The following PTPRD variants were observed in gnomAD, a reference collection of about 807,000 sequenced individuals.
PTPRD encodes receptor-type tyrosine-protein phosphatase delta.
Under a neutral mutation model 214.5 loss-of-function variants are expected in PTPRD, and 34 were observed. The ratio of observed to expected loss-of-function variants is 0.16; its 90% CI spans 0.12 to 0.21. The LOEUF (loss-of-function observed/expected upper bound fraction) is 0.21, where lower values mean the gene tolerates loss of function less well. PTPRD is among the 10% of genes least tolerant of loss of function. PTPRD has a pLI of 1.00. For synonymous variants in PTPRD, 1,128 were observed against 845.7 expected (o/e 1.33, Z -5.79); for missense variants, 2,545 against 2,398.7 (o/e 1.06, Z -1.27).
intron 9 of PTPRD, among the ~76,000 whole-genome samples, chr9:9,328,571 T>C (rs1396842534): frequency 1.3e-5 from 2 of 149,770 alleles, no homozygotes; most frequent in Non-Finnish European, 3.0e-5. Flanking sequence ...GAGCAAAACA[T>C]GGTCAAATTT....
intron 10 of PTPRD, among the ~76,000 whole-genome samples, chr9:9,152,524 A>G (rs2099877671): frequency 6.6e-6 from 1 of 152,212 alleles, no homozygotes; most frequent in Non-Finnish European, 1.5e-5. Context: ...ATTAATGGTA[A>G]AGACAAATAT....
chr9:9,015,690 G>A (rs2099531940), intron 11 of PTPRD, among the ~76,000 whole-genome samples: 2 of 152,040 alleles, frequency 1.3e-5, no homozygotes, highest in South Asian at 4.1e-4. Context: ...TCTGGATTGG[G>A]ACCCCTTTGC....
intron 12 of PTPRD, among the ~76,000 whole-genome samples, chr9:8,688,841 G>A (rs1173213774): frequency 1.3e-5 from 2 of 152,022 alleles, no homozygotes; most frequent in East Asian, 1.9e-4. Context: ...CATGAAAAAC[G>A]AATGGTTTTA....
At chr9:9,492,938 C>T (rs879687025) in intron 8 of PTPRD, among the ~76,000 whole-genome samples, 3 of 145,156 alleles carry the variant, frequency 2.1e-5, no homozygotes, top group African/African-American at 5.2e-5. Context: ...CACCATGAAC[C>T]CAACCCATAT....
At chr9:10,481,159 G>C (rs1372119991) in intron 2 of PTPRD, among the ~76,000 whole-genome samples, 2 of 151,912 alleles carry the variant, frequency 1.3e-5, no homozygotes, top group African/African-American at 4.8e-5. Flanking sequence ...CCTGTAATTT[G>C]CTCCACTTAA....
intron 2 of PTPRD, among the ~76,000 whole-genome samples, chr9:10,518,728 T>G (rs773870589): frequency 1.3e-5 from 2 of 151,562 alleles, no homozygotes; most frequent in Non-Finnish European, 1.5e-5. Flanking sequence ...CAGACAGGGT[T>G]TTACCGTGTT....
intron 7 of PTPRD, among the ~76,000 whole-genome samples, chr9:9,661,303 T>A (rs968509340): frequency 6.6e-6 from 1 of 151,924 alleles, no homozygotes; most frequent in African/African-American, 2.4e-5. Flanking sequence ...AAAAGTAATA[T>A]CTTAACAATC....
intron 9 of PTPRD, among the ~76,000 whole-genome samples, chr9:9,392,836 G>C (rs2066359600): frequency 6.6e-6 from 1 of 152,010 alleles, no homozygotes; most frequent in Non-Finnish European, 1.5e-5. Flanking sequence ...TCCTCAGGGA[G>C]GGAATATATA....
chr9:10,412,633 AACACACACACACACAC>A (rs150312961), intron 2 of PTPRD, among the ~76,000 whole-genome samples: 2 of 147,752 alleles, frequency 1.4e-5, no homozygotes, highest in Non-Finnish European at 3.0e-5. Flanking sequence ...CACACACACA[AACACACACACACACAC>A]ACACACACAC....
intron 2 of PTPRD, among the ~76,000 whole-genome samples, chr9:10,475,949 C>T (rs542121103): frequency 2.6e-5 from 4 of 152,092 alleles, no homozygotes; most frequent in African/African-American, 9.6e-5. Flanking sequence ...ATGCTAAAAA[C>T]TCTCAATAAA....
intron 5 of PTPRD, among the ~76,000 whole-genome samples, chr9:9,868,715 A>G (rs778773304): frequency 1.5e-4 from 22 of 148,766 alleles, no homozygotes; most frequent in Non-Finnish European, 2.6e-4. Context: ...TCCTAATAAT[A>G]TACTTAAACT....
intron 7 of PTPRD, among the ~76,000 whole-genome samples, chr9:9,691,910 T>C (rs1010984846): frequency 3.9e-5 from 6 of 152,084 alleles, no homozygotes; most frequent in Non-Finnish European, 5.9e-5. Flanking sequence ...CTGTTTGCCA[T>C]TTGTATGCCT....
At chr9:9,641,203 A>C (rs185279298) in intron 7 of PTPRD, among the ~76,000 whole-genome samples, 1 of 152,346 alleles carries the variant, frequency 6.6e-6, no homozygotes, top group East Asian at 1.9e-4. Context: ...TTTTCATTTC[A>C]TCAAAATCAT....
At chr9:9,509,232 G>T (rs2096641741) in intron 8 of PTPRD, among the ~76,000 whole-genome samples, 1 of 151,160 alleles carries the variant, frequency 6.6e-6, no homozygotes, top group Non-Finnish European at 1.5e-5. Context: ...TTAATTATGG[G>T]AAAAAAACCC....
At chr9:10,518,526 T>C (rs1343920097) in intron 2 of PTPRD, among the ~76,000 whole-genome samples, 1 of 152,032 alleles carries the variant, frequency 6.6e-6, no homozygotes, top group Non-Finnish European at 1.5e-5. Flanking sequence ...TATGTTAAGA[T>C]CATTTACAAT....
intron 14 of PTPRD, among the ~76,000 whole-genome samples, chr9:8,562,805 T>C (rs1234510999): frequency 6.6e-6 from 1 of 152,142 alleles, no homozygotes; most frequent in East Asian, 1.9e-4. Flanking sequence ...TTTTTGGTGT[T>C]GTAGCTGAAA....
At chr9:8,449,893 G>C (rs751844365) in intron 33 of PTPRD, 56 bp from the exon 34 acceptor site, 4 of 1,551,396 alleles carry the variant, frequency 2.6e-6, no homozygotes, top group Middle Eastern at 2.1e-4. Flanking sequence ...GAAACAGATA[G>C]AAAAGCAGAG....
chr9:8,467,753 CT>C (rs952653162), intron 31 of PTPRD, among the ~76,000 whole-genome samples: 2 of 151,146 alleles, frequency 1.3e-5, no homozygotes, highest in Non-Finnish European at 3.0e-5. Flanking sequence ...TGTATTATTT[CT>C]TTTTTCTTGA....
chr9:8,793,089 C>A (rs1490315924), intron 11 of PTPRD, among the ~76,000 whole-genome samples: 1 of 152,202 alleles, frequency 6.6e-6, no homozygotes, highest in Admixed American at 6.5e-5. Flanking sequence ...ACCTGGGTAG[C>A]CAGCCTCCTG....
Sources: allele counts gnomAD v4.1 joint callset (sites outside exome capture counted in the v4.1 genomes callset), GRCh38; gene constraint gnomAD v4.1.1; transcripts MANE v1.5; gene names NCBI Gene and HGNC (gene_info 2026-07-23, HGNC 2026-07-21).